Variants in COP1 observed in about 807,000 individuals in gnomAD.
The protein encoded by COP1 is COP1 E3 ubiquitin ligase, also known as E3 ubiquitin-protein ligase COP1.
In COP1, 24 loss-of-function variants were observed where a neutral mutation model predicts 101.3. The ratio of observed to expected loss-of-function variants is 0.24; its 90% CI spans 0.17 to 0.33. The LOEUF (loss-of-function observed/expected upper bound fraction) is 0.33. Among genes scored for constraint, COP1 ranks in the 10% least tolerant of loss-of-function variants. The pLI, the probability that COP1 is intolerant of heterozygous loss-of-function variation, is 1.00. For missense variants in COP1, 663 were observed against 906.2 expected (o/e 0.73, Z 3.45); for synonymous variants, 347 against 341.9 (o/e 1.01, Z -0.17).
Position 176,206,860 on chromosome 1 carries a change from A to G in COP1, c.119T>C (p.Val40Ala). 1 of 1,437,384 alleles carries G rather than the reference A, an allele frequency of 7.0e-7. No individual in the cohort carries two copies. Among genetic ancestry groups the G allele is most frequent in the Non-Finnish European group, 9.1e-7 (1 of 1,100,414 alleles). 89.0% of individuals were successfully genotyped at this position (1,437,384 alleles called of 1,614,324 possible). The change falls in exon 1 of 20, where the codon GTG (valine) becomes GCG (alanine). Residue 40 changes from valine to alanine, a missense_variant. Coordinates refer to ENST00000367669, the MANE Select transcript of COP1 (RefSeq NM_022457.7). ...SLSSSPSPPS[V>A]AVSAAALVSG... ...CACCAGCGCTGCCGCCGAAACCGCC[A>G]CGGAAGGCGGCGACGGGGAAGAGGA...
Position 176,148,393 on chromosome 1 carries a change from T to A in COP1, c.831+613A>T, listed in dbSNP as rs192661461. On this transcript the variant is annotated intron_variant, in intron 6 of 19. Coordinates refer to ENST00000367669, the MANE Select transcript of COP1 (RefSeq NM_022457.7). ...ACCAGGTTCCAGCCAGTTAGAAATT[T>A]AAAAAAAAAAAAAAAGTTTTCAAAG... Among the ~76,000 whole-genome samples the A allele has an allele frequency of 5.0e-3, 687 of 138,728 alleles. 3 individuals carry two copies. The highest frequency in any genetic ancestry group is 0.016 in the African/African-American group (591 of 38,038). 91.0% of individuals were successfully genotyped at this position (138,728 alleles called of 152,430 possible). A position where few individuals can be genotyped will look rare whatever the true frequency, so the allele number is the denominator to read the frequency against.
chr1:176,032,452 T>C (rs547831086), intron 14 of COP1, among the ~76,000 whole-genome samples: 2 of 152,330 alleles, frequency 1.3e-5, no homozygotes, highest in East Asian at 3.9e-4. Context: ...GCTTAGCTAC[T>C]TAAAACAGCA....
chr1:176,195,444 GAACTT>G (rs1279417309), intron 1 of COP1, among the ~76,000 whole-genome samples: 6 of 152,142 alleles, frequency 3.9e-5, no homozygotes, highest in Non-Finnish European at 8.8e-5. Context: ...GGAGTATACT[GAACTT>G]AAATAACACA....
intron 7 of COP1, among the ~76,000 whole-genome samples, chr1:176,135,585 T>A (rs775694865): frequency 1.3e-5 from 2 of 152,028 alleles, no homozygotes; most frequent in Non-Finnish European, 2.9e-5. Flanking sequence ...AATATTAAGA[T>A]TGAAATATCA....
At chr1:176,201,483 T>C (rs1327920832) in intron 1 of COP1, among the ~76,000 whole-genome samples, 3 of 152,216 alleles carry the variant, frequency 2.0e-5, no homozygotes, top group Non-Finnish European at 2.9e-5. Context: ...TAACAGTTCT[T>C]AGATGGAACA....
At chr1:176,114,600 G>A (rs1351062199) in intron 9 of COP1, among the ~76,000 whole-genome samples, 2 of 144,076 alleles carry the variant, frequency 1.4e-5, no homozygotes, top group African/African-American at 5.1e-5. Flanking sequence ...GGGGGAGGGA[G>A]TGGGGGGGAA....
At chr1:176,023,022 T>C (rs1018423786) in intron 15 of COP1, among the ~76,000 whole-genome samples, 1 of 152,204 alleles carries the variant, frequency 6.6e-6, no homozygotes, top group African/African-American at 2.4e-5. Flanking sequence ...TTCCAGTGTC[T>C]AGTTTCTAGC....
chr1:176,099,799 C>A (rs1683074262), intron 9 of COP1, among the ~76,000 whole-genome samples: 1 of 152,122 alleles, frequency 6.6e-6, no homozygotes, highest in South Asian at 2.1e-4. Flanking sequence ...GGTTCCTGAC[C>A]TGTGATAAGT....
At chr1:175,998,935 C>T (rs1660933192) in intron 15 of COP1, among the ~76,000 whole-genome samples, 1 of 152,040 alleles carries the variant, frequency 6.6e-6, no homozygotes, top group Non-Finnish European at 1.5e-5. Context: ...CTCAATTCCA[C>T]TCATGTTAAT....
At chr1:176,113,949 T>TG (rs1316600800) in intron 9 of COP1, among the ~76,000 whole-genome samples, 6 of 151,322 alleles carry the variant, frequency 4.0e-5, no homozygotes, top group Non-Finnish European at 7.4e-5. Flanking sequence ...GGTAGGGTTT[T>TG]TTTTTTTTTT....
rs79897786 is a variant in COP1 at position 176,171,948 on chromosome 1, T to C, written c.565+3962A>G. On this transcript the variant is annotated intron_variant, in intron 3 of 19. Coordinates refer to ENST00000367669, the MANE Select transcript of COP1 (RefSeq NM_022457.7). ...AATCAATATTTAAGTAACAAATCAC[T>C]ATGACATTTAGATTCCACCGGTTAC... 3.3e-3 allele frequency among the ~76,000 whole-genome samples: 507 copies of C among 152,350 alleles called. 5 individuals carry two copies. Among genetic ancestry groups the C allele is most frequent in the African/African-American group, 0.011 (440 of 41,582 alleles).
At chr1:176,149,116 T>G in intron 5 of COP1, 42 bp from the exon 6 acceptor site, 1 of 1,343,276 alleles carries the variant, frequency 7.4e-7, no homozygotes, top group East Asian at 2.5e-5. Flanking sequence ...AAAATATAAC[T>G]GAGTTGAAAG....
At chr1:176,172,841 T>C (rs1184420100) in intron 3 of COP1, among the ~76,000 whole-genome samples, 1 of 152,200 alleles carries the variant, frequency 6.6e-6, no homozygotes, top group Non-Finnish European at 1.5e-5. Context: ...TCTACACACC[T>C]AGTGTAAGAC....
intron 6 of COP1, among the ~76,000 whole-genome samples, chr1:176,145,680 C>CA (rs770747322): frequency 1.3e-5 from 2 of 152,076 alleles, no homozygotes; most frequent in African/African-American, 2.4e-5. Flanking sequence ...CAACTACAGT[C>CA]ATATACAACC....
chr1:176,163,657 G>A (rs1254539894), intron 4 of COP1, among the ~76,000 whole-genome samples, 158 bp downstream of exon 4: 3 of 152,186 alleles, frequency 2.0e-5, no homozygotes, highest in Admixed American at 2.0e-4. Context: ...TACAGACAAT[G>A]CAGTTAAGAA....
intron 11 of COP1, among the ~76,000 whole-genome samples, chr1:176,059,627 T>C (rs1373949329): frequency 6.6e-6 from 1 of 151,946 alleles, no homozygotes; most frequent in Non-Finnish European, 1.5e-5. Context: ...AGATTATAGG[T>C]GCACACCACC....
chr1:176,166,887 T>C (rs999802087), intron 3 of COP1, among the ~76,000 whole-genome samples: 2 of 152,138 alleles, frequency 1.3e-5, no homozygotes, highest in Non-Finnish European at 2.9e-5. Flanking sequence ...CAGTGAACCA[T>C]GGTCACGCCA....
At chr1:176,104,352 T>G (rs1345721151) in intron 9 of COP1, among the ~76,000 whole-genome samples, 3 of 152,048 alleles carry the variant, frequency 2.0e-5, no homozygotes, top group African/African-American at 7.2e-5. Context: ...TAAAAACTTT[T>G]GAATGGTAAA....
chr1:176,103,212 C>T (rs901147357), intron 9 of COP1, among the ~76,000 whole-genome samples: 1 of 152,170 alleles, frequency 6.6e-6, no homozygotes, highest in Non-Finnish European at 1.5e-5. Flanking sequence ...TTATTCACAG[C>T]AAGTTCCTTT....
Sources: gnomAD v4.1 joint callset for allele counts (sites outside exome capture counted in the v4.1 genomes callset) on GRCh38, gnomAD v4.1.1 for gene constraint, MANE v1.5 for transcripts, NCBI Gene and HGNC (gene_info 2026-07-23, HGNC 2026-07-21) for gene names.